Variants in CREB3L2 observed in about 807,000 individuals in gnomAD.
CREB3L2 encodes the protein cAMP responsive element binding protein 3 like 2.
Under a neutral mutation model 57.2 loss-of-function variants are expected in CREB3L2, and 23 were observed. That is an observed-to-expected ratio of 0.40 (90% CI 0.29 to 0.57). The LOEUF is 0.57. Ranked by LOEUF, CREB3L2 falls within the 20% of genes least tolerant of loss-of-function variation. CREB3L2 has a pLI of 0.42. For synonymous variants in CREB3L2, 268 were observed against 265.1 expected (o/e 1.01, Z -0.11); for missense variants, 628 against 634.7 (o/e 0.99, Z 0.11).
At chr7:137,981,350 G>C (rs1407276166) in intron 1 of CREB3L2, among the ~76,000 whole-genome samples, 1 of 152,178 alleles carries the variant, frequency 6.6e-6, no homozygotes, top group Non-Finnish European at 1.5e-5. Flanking sequence ...GATTCTATGA[G>C]GGCCTGTGCT....
intron 4 of CREB3L2, among the ~76,000 whole-genome samples, chr7:137,911,045 G>A (rs970286767): frequency 6.6e-6 from 1 of 152,186 alleles, no homozygotes; most frequent in Non-Finnish European, 1.5e-5. Flanking sequence ...GGGATTCATT[G>A]TTATGGTGAT....
In CREB3L2 at chr7:137,897,592, C is replaced by T. The variant is rs556633377; in HGVS notation, c.1043+3762G>A. On this transcript the variant is annotated intron_variant, in intron 8 of 11. Coordinates refer to ENST00000330387, the MANE Select transcript of CREB3L2 (RefSeq NM_194071.4). Reference sequence around the variant, plus strand: ...ACCATGTTGGTCAGGTGATCTCTGACCAACAGGTGACCCACCTGCCTCGGC... The same window carrying T: ...ACCATGTTGGTCAGGTGATCTCTGATCAACAGGTGACCCACCTGCCTCGGC... 3.8e-3 allele frequency among the ~76,000 whole-genome samples: 582 copies of T among 152,122 alleles called. 5 individuals are homozygous for T. Among genetic ancestry groups the T allele is most frequent in the African/African-American group, 0.013 (560 of 41,506 alleles).
intron 1 of CREB3L2, among the ~76,000 whole-genome samples, chr7:137,931,218 T>C (rs1398520718): frequency 6.6e-6 from 1 of 150,632 alleles, no homozygotes; most frequent in East Asian, 2.0e-4. Context: ...GGTGATGGAG[T>C]GAGAACCTGT....
chr7:137,937,391 C>T lies in CREB3L2; in HGVS notation c.103-9025G>A, dbSNP rs576966699. 1.7e-3 allele frequency among the ~76,000 whole-genome samples: 253 copies of T among 152,284 alleles called. 1 individual carries two copies. Among genetic ancestry groups the T allele is most frequent in the African/African-American group, 5.8e-3 (240 of 41,562 alleles). ...GAGCTGCCCTGGGCTCCTGGCATCC[C>T]CTAGGCCACCCTCCCTCCTCCCCTT... On this transcript the variant is annotated intron_variant, in intron 1 of 11. Coordinates refer to ENST00000330387, the MANE Select transcript of CREB3L2 (RefSeq NM_194071.4).
intron 8 of CREB3L2, among the ~76,000 whole-genome samples, chr7:137,899,065 G>GAAAGAAAAAGAA (rs1307732035): frequency 1.1e-5 from 1 of 88,786 alleles, no homozygotes; most frequent in East Asian, 3.6e-4. Flanking sequence ...GAAAAAGAAA[G>GAAAGAAAAAGAA]AGAAAGAAAG....
At chr7:137,930,809 A>G (rs572990211) in intron 1 of CREB3L2, among the ~76,000 whole-genome samples, 1 of 152,180 alleles carries the variant, frequency 6.6e-6, no homozygotes, top group Non-Finnish European at 1.5e-5. Context: ...TTAAGGCCAC[A>G]TGCCAACTGC....
At chr7:137,975,152 G>A (rs1232031976) in intron 1 of CREB3L2, among the ~76,000 whole-genome samples, 1 of 152,094 alleles carries the variant, frequency 6.6e-6, no homozygotes, top group African/African-American at 2.4e-5. Flanking sequence ...AGATGAAAGG[G>A]CATGGAAATT....
At chr7:137,911,500 T>C (rs1800004316) in intron 4 of CREB3L2, among the ~76,000 whole-genome samples, 1 of 152,236 alleles carries the variant, frequency 6.6e-6, no homozygotes, top group South Asian at 2.1e-4. Context: ...CAATTTCTTA[T>C]TTGTTGACCA....
chr7:137,884,028 T>C (rs1462767987), intron 10 of CREB3L2, among the ~76,000 whole-genome samples: 2 of 152,174 alleles, frequency 1.3e-5, no homozygotes, highest in Admixed American at 6.5e-5. Flanking sequence ...TTGTTTGAGA[T>C]GGAGTCTTGC....
chr7:137,912,915 C>A, intron 4 of CREB3L2, 76 bp downstream of exon 4: 1 of 1,588,838 alleles, frequency 6.3e-7, no homozygotes, highest in Non-Finnish European at 8.6e-7. Context: ...CATCCCAGCT[C>A]TCTCGCCATA....
intron 1 of CREB3L2, among the ~76,000 whole-genome samples, chr7:137,948,511 T>C (rs536187835): frequency 7.9e-5 from 12 of 152,340 alleles, no homozygotes; most frequent in African/African-American, 2.9e-4. Context: ...TCCATGTCCC[T>C]ACTAAATTTC....
chr7:137,929,800 C>T (rs1441307025), intron 1 of CREB3L2, among the ~76,000 whole-genome samples: 2 of 150,290 alleles, frequency 1.3e-5, no homozygotes, highest in African/African-American at 4.9e-5. Context: ...ACCTAGGAGG[C>T]AGAGCTTGCA....
rs1321834009 is a variant in CREB3L2, at chr7:137,946,796, A to ATC, written c.103-18431_103-18430insGA. On this transcript the variant is annotated intron_variant, in intron 1 of 11. Coordinates refer to ENST00000330387, the MANE Select transcript of CREB3L2 (RefSeq NM_194071.4). The stretch of plus-strand genomic sequence containing the variant: ...TATCTATATAGTTATCTATATAGTT[A>ATC]TATATAGTTATATATAGTTATCTAT... Among the ~76,000 whole-genome samples, 221 of 69,308 alleles carry ATC rather than the reference A, an allele frequency of 3.2e-3. 23 individuals are homozygous for ATC. Among genetic ancestry groups the ATC allele is most frequent in the African/African-American group, 0.013 (211 of 16,824 alleles). 45.5% of individuals were successfully genotyped at this position (69,308 alleles called of 152,430 possible). A position where few individuals can be genotyped will look rare whatever the true frequency, so the allele number is the denominator to read the frequency against.
chr7:137,934,420 C>T (rs1310860902), intron 1 of CREB3L2, among the ~76,000 whole-genome samples: 1 of 152,256 alleles, frequency 6.6e-6, no homozygotes, highest in East Asian at 1.9e-4. Context: ...TTGACATACT[C>T]GATTTTCAGA....
intron 2 of CREB3L2, among the ~76,000 whole-genome samples, chr7:137,926,805 T>G (rs1800472571): frequency 6.6e-6 from 1 of 151,984 alleles, no homozygotes; most frequent in Admixed American, 6.6e-5. Flanking sequence ...TTTTTAAAAT[T>G]TAAAGTACTA....
intron 1 of CREB3L2, among the ~76,000 whole-genome samples, chr7:137,996,711 G>C (rs2117335360): frequency 6.6e-6 from 1 of 152,314 alleles, no homozygotes; most frequent in African/African-American, 2.4e-5. Context: ...CACCAGGCAG[G>C]TCGAATATTC....
intron 1 of CREB3L2, among the ~76,000 whole-genome samples, chr7:137,998,068 G>A (rs1802018674): frequency 6.6e-6 from 1 of 152,176 alleles, no homozygotes; most frequent in Non-Finnish European, 1.5e-5. Context: ...GAAGCCCAGA[G>A]CTTTAGCAAT....
chr7:137,949,665 G>T (rs1801060226), intron 1 of CREB3L2, among the ~76,000 whole-genome samples: 1 of 151,796 alleles, frequency 6.6e-6, no homozygotes, highest in Non-Finnish European at 1.5e-5. Context: ...CCCCAATCAA[G>T]ATTAGAAAAA....
At chr7:137,946,437 A>C (rs1283043868) in intron 1 of CREB3L2, among the ~76,000 whole-genome samples, 2 of 151,564 alleles carry the variant, frequency 1.3e-5, no homozygotes, top group Non-Finnish European at 2.9e-5. Flanking sequence ...AAAAAAAAAA[A>C]AAAACAACCC....
Sources: gnomAD v4.1 joint callset for allele counts (sites outside exome capture counted in the v4.1 genomes callset) on GRCh38, gnomAD v4.1.1 for gene constraint, MANE v1.5 for transcripts, NCBI Gene and HGNC (gene_info 2026-07-23, HGNC 2026-07-21) for gene names.